Variants in CFAP61 observed in about 807,000 individuals in gnomAD.
CFAP61 encodes the protein cilia and flagella associated protein 61.
CFAP61 carries 107 observed loss-of-function variants against 135.6 expected under a neutral mutation model. That is an observed-to-expected ratio of 0.79 (90% confidence interval 0.67 to 0.93). The LOEUF (loss-of-function observed/expected upper bound fraction) is 0.93, where lower values mean the gene tolerates loss of function less well. CFAP61 is among the 40% of genes least tolerant of loss of function. The pLI, the probability that CFAP61 is intolerant of heterozygous loss-of-function variation, is 0.00. For missense variants in CFAP61, 1,507 were observed against 1,556.2 expected, an observed-to-expected ratio of 0.97 and a Z score of 0.53; for synonymous variants, 575 against 578.5, an observed-to-expected ratio of 0.99 and a Z score of 0.09.
At chr20:20,054,215 T>G (rs536527674) in intron 1 of CFAP61, among the ~76,000 whole-genome samples, 23 of 152,146 alleles carry the variant, frequency 1.5e-4, no homozygotes, top group Middle Eastern at 3.4e-3. Context: ...TTTCAGTCTT[T>G]GTATGAAATT....
intron 13 of CFAP61, among the ~76,000 whole-genome samples, chr20:20,169,867 C>CAA (rs2054099785): frequency 6.6e-6 from 1 of 152,098 alleles, no homozygotes; most frequent in African/African-American, 2.4e-5. Context: ...AATCATGAGA[C>CAA]AAAATGGAGG....
intron 18 of CFAP61, among the ~76,000 whole-genome samples, chr20:20,235,126 C>T (rs1057299015): frequency 2.0e-5 from 3 of 152,100 alleles, no homozygotes; most frequent in African/African-American, 4.8e-5. Context: ...GCTTCCCACC[C>T]GCAGCTGCAT....
chr20:20,113,280 T>C (rs1381070242), intron 8 of CFAP61, among the ~76,000 whole-genome samples: 1 of 152,202 alleles, frequency 6.6e-6, no homozygotes, highest in African/African-American at 2.4e-5. Context: ...TCTTATCTTC[T>C]CCACTTATCA....
At chr20:20,143,852 C>T (rs909478272) in intron 9 of CFAP61, among the ~76,000 whole-genome samples, 6 of 152,156 alleles carry the variant, frequency 3.9e-5, no homozygotes, top group Admixed American at 2.6e-4. Flanking sequence ...GAGTGCTGAT[C>T]ACACCAGGCA....
intron 24 of CFAP61, among the ~76,000 whole-genome samples, chr20:20,295,515 T>C (rs978720434): frequency 5.9e-5 from 9 of 152,184 alleles, no homozygotes; most frequent in Non-Finnish European, 1.0e-4. Flanking sequence ...TCACCAATCA[T>C]CCCTTACTGT....
At chr20:20,118,394 G>A (rs1253005618) in intron 8 of CFAP61, among the ~76,000 whole-genome samples, 2 of 146,958 alleles carry the variant, frequency 1.4e-5, no homozygotes, top group Non-Finnish European at 1.5e-5. Flanking sequence ...AGACTGGAGT[G>A]CAATGGCATG....
intron 21 of CFAP61, among the ~76,000 whole-genome samples, chr20:20,273,561 G>A (rs2053527668): frequency 6.6e-6 from 1 of 152,224 alleles, no homozygotes; most frequent in South Asian, 2.1e-4. Context: ...CAGGAAGAAA[G>A]TCTTAGGATC....
chr20:20,112,112 A>G (rs984656673), intron 8 of CFAP61, among the ~76,000 whole-genome samples: 4 of 152,186 alleles, frequency 2.6e-5, no homozygotes, highest in Non-Finnish European at 5.9e-5. Context: ...AGAGACTTAA[A>G]TGGTGTGATT....
In CFAP61 at chr20:20,196,655, A is replaced by G. The variant is rs750298739; in HGVS notation, c.1676A>G (p.His559Arg). The G allele has an allele frequency of 6.2e-7, 1 of 1,614,204 alleles. No individual in the cohort carries two copies. Among genetic ancestry groups the G allele is most frequent in the Non-Finnish European group, 8.5e-7 (1 of 1,180,034 alleles). ...CAGCGCGAAGAACACGGGCACATGC[A>G]TCACTTTGCCCTCAACCCCATTTTC... ...HHQREEHGHM[H>R]HFALNPIFRH... The change falls in exon 16 of 27, where the codon CAT becomes CGT. Residue 559 changes from histidine to arginine, a missense_variant. Coordinates refer to ENST00000245957, the MANE Select transcript of CFAP61 (RefSeq NM_015585.4).
At chr20:20,187,894 A>T (rs747957109) in intron 13 of CFAP61, 36 bp from the exon 14 acceptor site, 1 of 1,544,776 alleles carries the variant, frequency 6.5e-7, no homozygotes, top group Non-Finnish European at 8.9e-7. Flanking sequence ...CATATTTAGT[A>T]CTTTAACTTA....
intron 2 of CFAP61, among the ~76,000 whole-genome samples, chr20:20,059,653 A>C (rs990327402): frequency 5.9e-5 from 9 of 152,022 alleles, no homozygotes; most frequent in Non-Finnish European, 1.2e-4. Flanking sequence ...AAAATTATAA[A>C]AATGAATAAT....
At chr20:20,073,156 C>T (rs56142424) in intron 3 of CFAP61, among the ~76,000 whole-genome samples, 4,739 of 152,282 alleles carry the variant, frequency 0.031, 274 homozygotes, top group African/African-American at 0.11. Flanking sequence ...AGTAATAAGC[C>T]ATATGCTCCT....
intron 9 of CFAP61, among the ~76,000 whole-genome samples, chr20:20,152,489 A>G (rs1222843139): frequency 2.0e-5 from 3 of 152,240 alleles, no homozygotes; most frequent in African/African-American, 7.2e-5. Context: ...CACCTAATGC[A>G]TAAGGATTCC....
intron 26 of CFAP61, among the ~76,000 whole-genome samples, chr20:20,346,615 C>T (rs2058645733): frequency 6.6e-6 from 1 of 151,996 alleles, no homozygotes; most frequent in Non-Finnish European, 1.5e-5. Context: ...GAGAGGAACA[C>T]TGGCACTGCA....
chr20:20,125,251 T>G, intron 8 of CFAP61, among the ~76,000 whole-genome samples: 1 of 151,790 alleles, frequency 6.6e-6, no homozygotes, highest in Non-Finnish European at 1.5e-5. Context: ...TTTCCTTTCT[T>G]CTGCTGGGTT....
chr20:20,063,371 A>G (rs60795253), intron 2 of CFAP61, among the ~76,000 whole-genome samples: 3,664 of 152,320 alleles, frequency 0.024, 152 homozygotes, highest in African/African-American at 0.083. Context: ...AAATTCAAAA[A>G]AAAATTGGAA....
intron 3 of CFAP61, among the ~76,000 whole-genome samples, chr20:20,073,562 T>G (rs886766454): frequency 6.6e-6 from 1 of 152,218 alleles, no homozygotes; most frequent in Non-Finnish European, 1.5e-5. Context: ...CTGCACTGTT[T>G]CCAGAATTTG....
chr20:20,262,844 T>G, intron 20 of CFAP61, 112 bp from the exon 21 acceptor site: 1 of 472,940 alleles, frequency 2.1e-6, no homozygotes, highest in Non-Finnish European at 3.6e-6. Context: ...TGATTGTATC[T>G]CGGGACAGAA....
At chr20:20,224,047 A>C (rs1024505435) in intron 17 of CFAP61, among the ~76,000 whole-genome samples, 1 of 152,236 alleles carries the variant, frequency 6.6e-6, no homozygotes, top group Non-Finnish European at 1.5e-5. Flanking sequence ...GTGCCCCAAA[A>C]TGCATGGCAG....
Sources: gnomAD v4.1 joint callset for allele counts (sites outside exome capture counted in the v4.1 genomes callset) on GRCh38, gnomAD v4.1.1 for gene constraint, MANE v1.5 for transcripts, NCBI Gene and HGNC (gene_info 2026-07-23, HGNC 2026-07-21) for gene names.